The following CLIP3 variants were observed in gnomAD, a reference collection of about 807,000 sequenced individuals.
CLIP3 encodes CAP-Gly domain containing linker protein 3.
CLIP3 carries 15 observed loss-of-function variants against 59.4 expected under a neutral mutation model. The observed-to-expected ratio is 0.25, with a 90% CI of 0.17 to 0.39. The LOEUF (loss-of-function observed/expected upper bound fraction) is 0.39. CLIP3 is among the 10% of genes least tolerant of loss of function. CLIP3 has a pLI of 1.00. For synonymous variants in CLIP3, 300 were observed against 321.6 expected (o/e 0.93, Z 0.72); for missense variants, 495 against 765.7 (o/e 0.65, Z 4.17).
chr19:36,022,281 C>T (rs571632499), intron 7 of CLIP3, among the ~76,000 whole-genome samples: 10 of 152,232 alleles, frequency 6.6e-5, no homozygotes, highest in African/African-American at 2.4e-4. Context: ...AATGGCCTTA[C>T]GCATTTTAAT....
chr19:36,025,305 T>G (rs1969072410), intron 6 of CLIP3, among the ~76,000 whole-genome samples: 1 of 151,976 alleles, frequency 6.6e-6, no homozygotes, highest in Non-Finnish European at 1.5e-5. Context: ...AATGGGCTCC[T>G]GTGGGCTGGG....
chr19:36,031,320 C>T (rs1343211833), intron 2 of CLIP3, among the ~76,000 whole-genome samples: 1 of 152,066 alleles, frequency 6.6e-6, no homozygotes, highest in Non-Finnish European at 1.5e-5. Flanking sequence ...CCCAGCCCAC[C>T]TTTTCTTTCT....
In CLIP3 at chr19:36,017,787, C is replaced by G; in HGVS notation, c.1328-9G>C. ...AATGCCATACCAGTAACCTGCAGCACGAGGGTGTCAGGATTTCTCAAGGCC... is the reference window on the plus strand; with the variant it reads ...AATGCCATACCAGTAACCTGCAGCAGGAGGGTGTCAGGATTTCTCAAGGCC... On this transcript the variant is annotated splice_polypyrimidine_tract_variant and intron_variant, in intron 10 of 13. Coordinates refer to ENST00000360535, the MANE Select transcript of CLIP3 (RefSeq NM_015526.3). 1 of 1,614,134 alleles carries G rather than the reference C, an allele frequency of 6.2e-7. No homozygotes were observed. The highest frequency in any genetic ancestry group is 8.5e-7 in the Non-Finnish European group (1 of 1,180,042).
rs939012972 is a variant in CLIP3, at chr19:36,026,830, C to A, written c.401-83G>T. The A allele has an allele frequency of 2.7e-5, 42 of 1,547,986 alleles. No homozygotes were observed. The Middle Eastern group carries it at 8.6e-4, about 32-fold the overall frequency. ...CGGGGAGGACCCTGGGCTTCAGGGA[C>A]TATACTTTGGGATCCGAAGCTTCGG... is the stretch of plus-strand genomic sequence containing the variant. On this transcript the variant is annotated intron_variant, in intron 4 of 13. Transcript: ENST00000360535. The surrounding 1 kb of genome is among the most constrained non-coding windows in gnomAD (Gnocchi z 6.3).
intron 8 of CLIP3, 66 bp downstream of exon 8, chr19:36,019,105 C>T: frequency 1.2e-6 from 2 of 1,604,466 alleles, no homozygotes; most frequent in South Asian, 2.2e-5. Context: ...ATTTCCCAGT[C>T]AGCAGCATCA....
chr19:36,016,769 G>A lies in CLIP3; in HGVS notation c.1589+138C>T. ...CCCTACACCCTAAAGACTGTTTCTG[G>A]GTATGCTTACAAGTCACAAGTTTTC... On this transcript the variant is annotated intron_variant, in intron 13 of 13. Transcript: ENST00000360535. The surrounding 1 kb of genome is among the most constrained non-coding windows in gnomAD (Gnocchi z 4.1). The A allele has an allele frequency of 1.2e-6, 1 of 846,554 alleles. No homozygotes were observed. Among genetic ancestry groups the A allele is most frequent in the Admixed American group, 2.2e-5 (1 of 45,074 alleles). 52.4% of individuals were successfully genotyped at this position (846,554 alleles called of 1,614,324 possible). A position where few individuals can be genotyped will look rare whatever the true frequency, so the allele number is the denominator to read the frequency against.
rs1268908415 is a variant in CLIP3, at chr19:36,024,568, G to C, written c.746C>G (p.Ala249Gly). The C allele has an allele frequency of 6.2e-7, 1 of 1,614,260 alleles. No homozygotes were observed. The highest frequency in any genetic ancestry group is 2.2e-5 in the East Asian group (1 of 44,886). The stretch of plus-strand genomic sequence containing the variant: ...CTCCTTGGCCACCAGTGCCGCCTCT[G>C]CCTTGTCCAGGGACATGTCCATAGG... ...PDPMDMSLDK[A>G]EAALVAKELR... Residue 249 changes from alanine (A) to glycine (G), a missense_variant, in exon 7 of 14, where the codon GCA becomes GGA. Transcript: ENST00000360535.
At position 36,016,811 on chromosome 19, in the gene CLIP3, G is replaced by A; in HGVS notation, c.1589+96C>T. 7.6e-7 allele frequency: 1 copy of A among 1,318,220 alleles called. No homozygotes were observed. Among genetic ancestry groups the A allele is most frequent in the Non-Finnish European group, 1.1e-6 (1 of 932,030 alleles). 81.7% of individuals were successfully genotyped at this position (1,318,220 alleles called of 1,614,324 possible). A position where few individuals can be genotyped will look rare whatever the true frequency, so the allele number is the denominator to read the frequency against. ...CAAGTTTTCCTAACCTCTCTTTCCAGCCCTGACCAGAGCTCCAGACCTCTG... is the reference window on the plus strand; with the variant it reads ...CAAGTTTTCCTAACCTCTCTTTCCAACCCTGACCAGAGCTCCAGACCTCTG... On this transcript the variant is annotated intron_variant, in intron 13 of 13. Transcript: ENST00000360535. The surrounding 1 kb of genome is among the most constrained non-coding windows in gnomAD (Gnocchi z 4.1).
intron 8 of CLIP3, 48 bp downstream of exon 8, chr19:36,019,123 C>T (rs376272556): frequency 1.2e-5 from 20 of 1,611,094 alleles, no homozygotes; most frequent in East Asian, 2.2e-5. Context: ...TCAGAACTGC[C>T]GAGTGGACAC....
chr19:36,017,361 C>T (rs1167383103), intron 12 of CLIP3, 25 bp downstream of exon 12: 4 of 1,611,764 alleles, frequency 2.5e-6, no homozygotes, highest in Non-Finnish European at 2.5e-6. Flanking sequence ...GTACACTCCT[C>T]CCAACATATC....
chr19:36,020,484 A>G (rs1304711127), intron 7 of CLIP3, among the ~76,000 whole-genome samples: 4 of 145,004 alleles, frequency 2.8e-5, no homozygotes, highest in Admixed American at 2.0e-4. Context: ...CACGCCTGTA[A>G]TCCCAGCTAC....
chr19:36,031,079 T>C (rs990286666), intron 2 of CLIP3, among the ~76,000 whole-genome samples: 13 of 139,756 alleles, frequency 9.3e-5, no homozygotes, highest in African/African-American at 3.3e-4. Flanking sequence ...TGGAGTGTAG[T>C]GGCTCGATCT....
intron 2 of CLIP3, among the ~76,000 whole-genome samples, chr19:36,029,584 C>T (rs1034900195): frequency 7.2e-4 from 109 of 151,978 alleles, no homozygotes; most frequent in African/African-American, 2.5e-3. Context: ...CATGCCCAGC[C>T]CTTTATTTAT....
At chr19:36,025,150 G>T (rs961016284) in intron 6 of CLIP3, among the ~76,000 whole-genome samples, 2 of 152,100 alleles carry the variant, frequency 1.3e-5, no homozygotes, top group Admixed American at 6.5e-5. Context: ...AGGGCTGGGG[G>T]TGTGTCAAGT....
chr19:36,024,148 A>G (rs1348414980), intron 7 of CLIP3, among the ~76,000 whole-genome samples: 1 of 152,156 alleles, frequency 6.6e-6, no homozygotes, highest in Admixed American at 6.5e-5. Context: ...GGCAGCCATG[A>G]CCACTCTCGG....
chr19:36,025,317 G>A (rs1969072868), intron 6 of CLIP3, among the ~76,000 whole-genome samples: 2 of 151,308 alleles, frequency 1.3e-5, no homozygotes, highest in African/African-American at 4.9e-5. Context: ...TGGGCTGGGT[G>A]CAGTGGCTTA....
In CLIP3 at chr19:36,031,007, TC is replaced by T. The variant is rs1369245569; in HGVS notation, c.166+1184del. Among the ~76,000 whole-genome samples, 430 of 76,932 alleles carry T rather than the reference TC, an allele frequency of 5.6e-3. 7 individuals carry two copies. Among genetic ancestry groups the T allele is most frequent in the African/African-American group, 0.027 (410 of 15,020 alleles). The allele number at this position is 76,932 out of a possible 152,430, so 50.5% of individuals were successfully genotyped here. A position where few individuals can be genotyped will look rare whatever the true frequency, so the allele number is the denominator to read the frequency against. Reference sequence around the variant, plus strand: ...CTTTTTCTTTTTTCTTTTTTTCTTTTCTTTTTTTTTTTTTTCTTTTTTTTTT... The same window carrying T: ...CTTTTTCTTTTTTCTTTTTTTCTTTTTTTTTTTTTTTTTTCTTTTTTTTTT... On this transcript the variant is annotated intron_variant, in intron 2 of 13. Transcript: ENST00000360535.
chr19:36,027,002 G>C lies in CLIP3; in HGVS notation c.350C>G (p.Thr117Ser). ...GCHVNDRDGL[T>S]DMTLLHYACK... is the part of the protein sequence containing the mutation. The stretch of plus-strand genomic sequence containing the variant: ...CGCATAGTGGAGCAGTGTCATGTCG[G>C]TCAGCCCGTCACGATCGTTCACATG... Residue 117 changes from threonine (T) to serine (S), a missense_variant, in exon 4 of 14, where the codon ACC (threonine) becomes AGC (serine). Around this residue, in one of 5 missense-constraint regions of CLIP3, gnomAD observed 26 missense variants for 79.5 expected, o/e 0.33. Transcript: ENST00000360535. The C allele has an allele frequency of 6.3e-7, 1 of 1,587,618 alleles. No individual in the cohort carries two copies. The highest frequency in any genetic ancestry group is 8.5e-7 in the Non-Finnish European group (1 of 1,169,972).
At chr19:36,025,443 T>C (rs1026652683) in intron 6 of CLIP3, among the ~76,000 whole-genome samples, 1 of 151,740 alleles carries the variant, frequency 6.6e-6, no homozygotes, top group African/African-American at 2.4e-5. Context: ...ATACAAAAAT[T>C]AGCCGGGTGT....
Sources: allele counts gnomAD v4.1 joint callset (sites outside exome capture counted in the v4.1 genomes callset), GRCh38; gene constraint gnomAD v4.1.1; regional missense constraint gnomAD v4.1.1; non-coding constraint Gnocchi (gnomAD v3.1); transcripts MANE v1.5; gene names NCBI Gene and HGNC (gene_info 2026-07-23, HGNC 2026-07-21).